The following SMIM35 variants were observed in gnomAD, a reference collection of about 807,000 sequenced individuals.
SMIM35 encodes the protein TMPRSS4 antisense RNA 1 (non-protein coding).
chr11:118,073,990 T>G (rs552157254), intron 1 of SMIM35, among the ~76,000 whole-genome samples: 10 of 152,356 alleles, frequency 6.6e-5, no homozygotes, highest in Admixed American at 6.5e-4. Context: ...ACGAGACCTG[T>G]TGGTCCTTAA....
intron 1 of SMIM35, among the ~76,000 whole-genome samples, chr11:118,045,666 C>T (rs1335761247): frequency 6.6e-6 from 1 of 152,110 alleles, no homozygotes; most frequent in Non-Finnish European, 1.5e-5. Flanking sequence ...AATAAAAAAT[C>T]AAGTATCTCC....
At chr11:118,037,159 A>G (rs1198011085) in intron 1 of SMIM35, among the ~76,000 whole-genome samples, 2 of 152,030 alleles carry the variant, frequency 1.3e-5, no homozygotes, top group East Asian at 1.9e-4. Flanking sequence ...GCCAGCGACC[A>G]CTCTAACTGC....
At chr11:118,050,104 C>T (rs372997856) in intron 1 of SMIM35, among the ~76,000 whole-genome samples, 3 of 152,204 alleles carry the variant, frequency 2.0e-5, no homozygotes, top group East Asian at 3.8e-4. Flanking sequence ...AGCCCCAGCC[C>T]TGGGACACAC....
intron 1 of SMIM35, among the ~76,000 whole-genome samples, chr11:118,032,319 G>A (rs1206720537): frequency 6.6e-6 from 1 of 152,162 alleles, no homozygotes; most frequent in Non-Finnish European, 1.5e-5. Flanking sequence ...ACTGTGTCAT[G>A]GTTATGTAGG....
At chr11:118,077,873 C>T (rs934062177) in intron 1 of SMIM35, among the ~76,000 whole-genome samples, 5 of 151,806 alleles carry the variant, frequency 3.3e-5, no homozygotes, top group Admixed American at 2.0e-4. Context: ...ATTAGCCAGG[C>T]GTGGTGGCAG....
chr11:118,032,804 A>G (rs2058329828), intron 1 of SMIM35, among the ~76,000 whole-genome samples: 1 of 152,142 alleles, frequency 6.6e-6, no homozygotes, highest in Admixed American at 6.5e-5. Context: ...CCTACTCAGG[A>G]GGCTGAGGCA....
intron 4 of SMIM35, among the ~76,000 whole-genome samples, chr11:118,010,961 C>T (rs2058147120): frequency 2.6e-5 from 4 of 152,208 alleles, no homozygotes; most frequent in Admixed American, 2.6e-4. Context: ...CAGGCATCTG[C>T]TCCCGAATCG....
chr11:118,068,798 T>C (rs1944525965), intron 1 of SMIM35, among the ~76,000 whole-genome samples: 1 of 152,188 alleles, frequency 6.6e-6, no homozygotes, highest in South Asian at 2.1e-4. Flanking sequence ...CGGCACTGTG[T>C]CTGCATTCTC....
At chr11:118,081,750 T>C (rs1434709970) in intron 1 of SMIM35, among the ~76,000 whole-genome samples, 3 of 151,450 alleles carry the variant, frequency 2.0e-5, no homozygotes, top group South Asian at 2.1e-4. Flanking sequence ...TAAATCTGTA[T>C]GCATTCATTC....
intron 1 of SMIM35, among the ~76,000 whole-genome samples, chr11:118,031,011 A>G (rs1167347255): frequency 6.6e-6 from 1 of 152,156 alleles, no homozygotes; most frequent in East Asian, 1.9e-4. Context: ...ATACTGATCA[A>G]TCAATATCAA....
intron 1 of SMIM35, among the ~76,000 whole-genome samples, chr11:118,068,874 C>G (rs1944527819): frequency 6.6e-6 from 1 of 152,208 alleles, no homozygotes; most frequent in Non-Finnish European, 1.5e-5. Flanking sequence ...CACTCCGTGG[C>G]CAGAAGCACT....
At chr11:118,069,846 G>C (rs748868105) in intron 1 of SMIM35, among the ~76,000 whole-genome samples, 1 of 152,146 alleles carries the variant, frequency 6.6e-6, no homozygotes, top group African/African-American at 2.4e-5. Context: ...TGGATCACCT[G>C]AGGTCAGGAG....
rs35140092 is a variant in SMIM35, at chr11:118,009,725, T to TA, written c.*34-3350dup. Among the ~76,000 whole-genome samples, 848 of 135,264 alleles carry TA rather than the reference T, an allele frequency of 6.3e-3. 4 individuals carry two copies. The highest frequency in any genetic ancestry group is 0.022 in the Middle Eastern group (6 of 268). The allele number at this position is 135,264 out of a possible 152,430, so 88.7% of individuals were successfully genotyped here. A position where few individuals can be genotyped will look rare whatever the true frequency, so the allele number is the denominator to read the frequency against. ...CTAAGAACTGAGAATGCAGACGCTT[T>TA]AAAAAAAAAAAAAAAAAAAGTAGAT... On this transcript the variant is annotated intron_variant, in intron 4 of 4. Coordinates refer to ENST00000689828, the MANE Select transcript of SMIM35 (RefSeq NM_001394165.1).
chr11:118,022,672 T>C (rs1295899059), intron 1 of SMIM35, among the ~76,000 whole-genome samples: 1 of 152,120 alleles, frequency 6.6e-6, no homozygotes, highest in Non-Finnish European at 1.5e-5. Context: ...TCCAGCTATG[T>C]GCAGAGGGAC....
chr11:118,017,865 T>C (rs918894196), intron 1 of SMIM35, among the ~76,000 whole-genome samples: 5 of 152,108 alleles, frequency 3.3e-5, no homozygotes, highest in African/African-American at 1.2e-4. Flanking sequence ...AAGTCCCTTA[T>C]TAAACCATCA....
At chr11:118,029,602 C>G (rs1041560947) in intron 1 of SMIM35, 1 of 456,318 alleles carries the variant, frequency 2.2e-6, no homozygotes, top group Non-Finnish European at 4.4e-6. Context: ...TTCTTATTGT[C>G]ATATCACTGT....
chr11:118,074,337 G>A (rs1366295405), intron 1 of SMIM35, among the ~76,000 whole-genome samples: 3 of 152,096 alleles, frequency 2.0e-5, no homozygotes, highest in Non-Finnish European at 1.5e-5. Flanking sequence ...TAAAAGAGAA[G>A]TAATGGGAGG....
chr11:118,019,942 G>C (rs759488345), intron 1 of SMIM35, among the ~76,000 whole-genome samples: 1 of 152,106 alleles, frequency 6.6e-6, no homozygotes, highest in African/African-American at 2.4e-5. Context: ...GACAAACACT[G>C]CTACATTATC....
chr11:118,048,072 G>T (rs1410100371), intron 1 of SMIM35, among the ~76,000 whole-genome samples: 3 of 152,098 alleles, frequency 2.0e-5, no homozygotes, highest in Admixed American at 2.0e-4. Flanking sequence ...TGATCATAGT[G>T]GTACCCAGGA....
Sources: gnomAD v4.1 joint callset for allele counts (sites outside exome capture counted in the v4.1 genomes callset) on GRCh38, gnomAD v4.1.1 for gene constraint, MANE v1.5 for transcripts, NCBI Gene and HGNC (gene_info 2026-07-23, HGNC 2026-07-21) for gene names.